Variants in CRYL1 observed in about 807,000 individuals in gnomAD.
CRYL1 encodes the protein lambda-crystallin homolog.
CRYL1 carries 29 observed loss-of-function variants against 36.6 expected under a neutral mutation model. That is an observed-to-expected ratio of 0.79 (90% CI 0.59 to 1.08). The LOEUF (loss-of-function observed/expected upper bound fraction) is 1.08. Among genes scored for constraint, CRYL1 ranks in the 50% least tolerant of loss-of-function variants. CRYL1 has a pLI of 0.00. For missense variants in CRYL1, 411 were observed against 407.9 expected (o/e 1.01, Z -0.06); for synonymous variants, 152 against 151.5 (o/e 1.00, Z -0.02).
chr13:20,514,162 G>A (rs914616447), intron 1 of CRYL1, among the ~76,000 whole-genome samples: 5 of 152,210 alleles, frequency 3.3e-5, no homozygotes, highest in Admixed American at 2.0e-4. Context: ...CCCCACTTCC[G>A]TGTGCAGAGT....
chr13:20,473,582 C>G (rs2033104009), intron 3 of CRYL1, among the ~76,000 whole-genome samples: 1 of 152,190 alleles, frequency 6.6e-6, no homozygotes, highest in Non-Finnish European at 1.5e-5. Flanking sequence ...GCCAAGGTGT[C>G]TGTCTGGGGC....
At chr13:20,418,174 T>C (rs1449387893) in intron 5 of CRYL1, among the ~76,000 whole-genome samples, 1 of 152,102 alleles carries the variant, frequency 6.6e-6, no homozygotes, top group African/African-American at 2.4e-5. Context: ...TTACTTAAAG[T>C]CAACTATGTA....
intron 2 of CRYL1, among the ~76,000 whole-genome samples, chr13:20,505,358 C>T (rs61955505): frequency 4.2e-3 from 244 of 57,570 alleles, no homozygotes; most frequent in Middle Eastern, 0.037. Context: ...CTCTATCCCA[C>T]CAAAAAAAAA....
intron 2 of CRYL1, among the ~76,000 whole-genome samples, chr13:20,498,184 A>G (rs1565984007): frequency 6.6e-6 from 1 of 150,712 alleles, no homozygotes. Context: ...GCATATACAC[A>G]CTATACACAC....
chr13:20,479,775 A>G (rs1440727214), intron 3 of CRYL1, among the ~76,000 whole-genome samples: 1 of 152,146 alleles, frequency 6.6e-6, no homozygotes, highest in Non-Finnish European at 1.5e-5. Flanking sequence ...TATAGATAAT[A>G]TTTTTTAAAG....
At chr13:20,462,107 TG>T (rs2032838980) in intron 3 of CRYL1, among the ~76,000 whole-genome samples, 1 of 32,424 alleles carries the variant, frequency 3.1e-5, no homozygotes, top group African/African-American at 1.2e-4. Flanking sequence ...GAGGATGGGG[TG>T]GGAGGATGGC....
At position 20,415,957 on chromosome 13, in the gene CRYL1, C is replaced by T. The variant is rs1036039319; in HGVS notation, c.634-2570G>A. 2.6e-5 allele frequency among the ~76,000 whole-genome samples: 4 copies of T among 152,244 alleles called. No individual in the cohort carries two copies. Among genetic ancestry groups the T allele is most frequent in the African/African-American group, 9.6e-5 (4 of 41,466 alleles). On this transcript the variant is annotated intron_variant, in intron 5 of 7. Coordinates refer to ENST00000298248, the MANE Select transcript of CRYL1 (RefSeq NM_015974.3). The surrounding 1 kb of genome is among the most constrained non-coding windows in gnomAD (Gnocchi z 4.1). The stretch of plus-strand genomic sequence containing the variant: ...TGAGTTTAGTCATCCACCCTGCGGC[C>T]ATGAGCCTTTGGCTAGTCTGGGGCT...
At chr13:20,461,318 C>T (rs2032812971) in intron 3 of CRYL1, among the ~76,000 whole-genome samples, 2 of 152,234 alleles carry the variant, frequency 1.3e-5, no homozygotes, top group African/African-American at 2.4e-5. Context: ...ACAAAACCAG[C>T]ATTTGCTCAT....
intron 3 of CRYL1, among the ~76,000 whole-genome samples, chr13:20,465,314 C>A (rs1448138056): frequency 1.3e-5 from 2 of 152,162 alleles, no homozygotes; most frequent in East Asian, 1.9e-4. Flanking sequence ...CTCCCCACTC[C>A]CTGCTGAGTG....
chr13:20,469,999 G>A (rs954273063), intron 3 of CRYL1, among the ~76,000 whole-genome samples: 1 of 152,204 alleles, frequency 6.6e-6, no homozygotes, highest in Non-Finnish European at 1.5e-5. Context: ...GCTAATTTAC[G>A]CCTCAGGGTC....
intron 3 of CRYL1, among the ~76,000 whole-genome samples, chr13:20,457,885 C>T (rs2032723619): frequency 6.6e-6 from 1 of 152,152 alleles, no homozygotes; most frequent in Admixed American, 6.6e-5. Flanking sequence ...AACGGAAGCA[C>T]AGAGAAGTCA....
rs749577909 is a variant in CRYL1 at position 20,404,636 on chromosome 13, T to A, written c.845A>T (p.Gln282Leu). The stretch of plus-strand genomic sequence containing the variant: ...GTGAGTTGCAGAGAAGTTACATACC[T>A]GGTTAACCTTCTCAGCAGTGGCCCT... Reference protein sequence around the residue: ...FSRATAEKVNQDMCMKVPDDP... With the variant: ...FSRATAEKVNLDMCMKVPDDP... Residue 282 changes from glutamine to leucine, a missense_variant and splice_region_variant, in exon 7 of 8, where the codon CAG becomes CTG. Coordinates refer to ENST00000298248, the MANE Select transcript of CRYL1 (RefSeq NM_015974.3). 6.2e-7 allele frequency: 1 copy of A among 1,601,774 alleles called. No homozygotes were observed. Among genetic ancestry groups the A allele is most frequent in the Non-Finnish European group, 8.6e-7 (1 of 1,168,862 alleles).
intron 2 of CRYL1, among the ~76,000 whole-genome samples, chr13:20,508,232 A>T (rs1057072287): frequency 3.3e-5 from 5 of 152,192 alleles, no homozygotes; most frequent in Non-Finnish European, 5.9e-5. Context: ...TGGTCTCAAA[A>T]AAAATAAAAT....
chr13:20,420,345 T>G (rs990824951), intron 5 of CRYL1, among the ~76,000 whole-genome samples: 3 of 152,022 alleles, frequency 2.0e-5, no homozygotes, highest in Admixed American at 6.6e-5. Flanking sequence ...GGGTCTCCCC[T>G]CTGGGAGGCA....
intron 6 of CRYL1, among the ~76,000 whole-genome samples, chr13:20,409,060 G>A (rs564283052): frequency 6.6e-6 from 1 of 152,238 alleles, no homozygotes; most frequent in South Asian, 2.1e-4. Flanking sequence ...TAAGCCAAAA[G>A]AACAAAGCTG....
At chr13:20,507,665 T>TCCCA (rs2137501441) in intron 2 of CRYL1, among the ~76,000 whole-genome samples, 1 of 152,298 alleles carries the variant, frequency 6.6e-6, no homozygotes, top group Admixed American at 6.5e-5. Flanking sequence ...ACACCTGTAA[T>TCCCA]CCCAGCACTT....
intron 5 of CRYL1, among the ~76,000 whole-genome samples, chr13:20,413,745 G>C (rs566072470): frequency 4.6e-5 from 7 of 152,214 alleles, no homozygotes; most frequent in African/African-American, 1.7e-4. Context: ...AAAAGCAAAG[G>C]TATCACTATC....
intron 4 of CRYL1, among the ~76,000 whole-genome samples, chr13:20,432,670 G>GTCT (rs2032097766): frequency 6.6e-6 from 1 of 152,028 alleles, no homozygotes; most frequent in South Asian, 2.1e-4. Context: ...CCAGAATCAT[G>GTCT]TCTTCCCATC....
chr13:20,520,417 G>C (rs2137522205), intron 1 of CRYL1, among the ~76,000 whole-genome samples: 1 of 152,294 alleles, frequency 6.6e-6, no homozygotes, highest in African/African-American at 2.4e-5. Flanking sequence ...CTGCCTCCAT[G>C]GCTTGGGTCT....
Sources: gnomAD v4.1 joint callset for allele counts (sites outside exome capture counted in the v4.1 genomes callset) on GRCh38, gnomAD v4.1.1 for gene constraint, Gnocchi (gnomAD v3.1) non-coding constraint, MANE v1.5 for transcripts, NCBI Gene and HGNC (gene_info 2026-07-23, HGNC 2026-07-21) for gene names.